The following CFAP276 variants were observed in gnomAD, a reference collection of about 807,000 sequenced individuals.
The protein encoded by CFAP276 is cilia- and flagella-associated protein 276.
the CFAP276 span, chr1:109,113,605 A>C: frequency 2.5e-6 from 4 of 1,612,396 alleles, no homozygotes; most frequent in African/African-American, 2.7e-5. Flanking sequence ...GATCTCCAGG[A>C]GTGGCCTTCG....
the CFAP276 span, chr1:109,112,742 TG>T: frequency 6.5e-7 from 1 of 1,537,788 alleles, no homozygotes; most frequent in Non-Finnish European, 8.8e-7. Context: ...ACAGCCTCAC[TG>T]GCATAAGATC....
chr1:109,107,247 A>G, the CFAP276 span: 2 of 694,642 alleles, frequency 2.9e-6, no homozygotes, highest in East Asian at 2.5e-5. Context: ...AAATCCACCA[A>G]CTCCGTACAC....
At chr1:109,112,210 AGAT>A in the CFAP276 span, among the ~76,000 whole-genome samples, 1 of 152,352 alleles carries the variant, frequency 6.6e-6, no homozygotes, top group Admixed American at 6.5e-5. Context: ...GTGTGAACAC[AGAT>A]GTGTAAAGCA....
the CFAP276 span, among the ~76,000 whole-genome samples, chr1:109,111,149 G>T: frequency 2.2e-4 from 34 of 152,218 alleles, no homozygotes; most frequent in South Asian, 6.6e-3. Context: ...ACACCCATCT[G>T]ATTGTGTCAC....
chr1:109,107,737 T>A, the CFAP276 span, among the ~76,000 whole-genome samples: 3 of 121,306 alleles, frequency 2.5e-5, no homozygotes, highest in African/African-American at 7.3e-5. Context: ...AAAAAAAAAA[T>A]TAGCTGCATG....
the CFAP276 span, among the ~76,000 whole-genome samples, chr1:109,111,168 T>C: frequency 8.5e-5 from 13 of 152,176 alleles, no homozygotes; most frequent in Admixed American, 5.9e-4. Context: ...ACTGTGGTAC[T>C]TAAAATCCTG....
chr1:109,108,020 G>GTTTTTTTTTTTTTTTT, the CFAP276 span: 1 of 1,605,194 alleles, frequency 6.2e-7, no homozygotes. Flanking sequence ...GGTGTGTTGG[G>GTTTTTTTTTTTTTTTT]TTCTTATATG....
the CFAP276 span, among the ~76,000 whole-genome samples, chr1:109,113,440 G>A: frequency 1.6e-4 from 22 of 135,868 alleles, 1 homozygote; most frequent in South Asian, 4.7e-4. Context: ...GAGAGAGAGA[G>A]AGAGAGAGAG....
the CFAP276 span, chr1:109,113,594 A>G: frequency 6.2e-7 from 1 of 1,608,846 alleles, no homozygotes; most frequent in African/African-American, 1.3e-5. Context: ...GCGGGATGTA[A>G]GATCTCCAGG....
At chr1:109,108,503 T>C in the CFAP276 span, among the ~76,000 whole-genome samples, 1 of 152,102 alleles carries the variant, frequency 6.6e-6, no homozygotes, top group African/African-American at 2.4e-5. Flanking sequence ...GGGGCAAGAC[T>C]CCCCAGGCTC....
At chr1:109,107,850 C>A in the CFAP276 span, 1 of 1,289,856 alleles carries the variant, frequency 7.8e-7, no homozygotes, top group South Asian at 1.3e-5. Context: ...AGCATTCCAC[C>A]CTGGGTGACA....
the CFAP276 span, among the ~76,000 whole-genome samples, chr1:109,110,052 A>G: frequency 6.6e-6 from 1 of 152,192 alleles, no homozygotes; most frequent in South Asian, 2.1e-4. Context: ...TTTCACTGAG[A>G]AAGTCCAGAC....
chr1:109,113,372 G>A, the CFAP276 span, among the ~76,000 whole-genome samples: 1 of 150,378 alleles, frequency 6.6e-6, no homozygotes, highest in African/African-American at 2.5e-5. Flanking sequence ...CAGTGTGGGC[G>A]AGAGAGTGAG....
the CFAP276 span, among the ~76,000 whole-genome samples, chr1:109,110,617 A>G: frequency 1.3e-5 from 2 of 152,118 alleles, no homozygotes; most frequent in Non-Finnish European, 2.9e-5. Context: ...CTATTCTCCA[A>G]GGGTCTCATT....
chr1:109,108,677 A>G, the CFAP276 span, among the ~76,000 whole-genome samples: 1 of 152,232 alleles, frequency 6.6e-6, no homozygotes, highest in Non-Finnish European at 1.5e-5. Flanking sequence ...AGACATTCTA[A>G]TGCAAATAAC....
the CFAP276 span, among the ~76,000 whole-genome samples, chr1:109,113,392 CAGAG>C: frequency 7.7e-5 from 7 of 91,314 alleles, no homozygotes; most frequent in Non-Finnish European, 1.2e-4. Flanking sequence ...GACCCTGTCT[CAGAG>C]AGAGAGAGAG....
chr1:109,112,621 A>G, the CFAP276 span: 1 of 1,550,662 alleles, frequency 6.4e-7, no homozygotes, highest in East Asian at 2.4e-5. Flanking sequence ...CAGTTCTCCT[A>G]AGTAGGAATC....
chr1:109,111,516 A>G, the CFAP276 span, among the ~76,000 whole-genome samples: 1 of 151,792 alleles, frequency 6.6e-6, no homozygotes, highest in East Asian at 1.9e-4. Flanking sequence ...CATCCCTAGG[A>G]TGAAACCATA....
chr1:109,106,650 G>T, the CFAP276 span: 14 of 1,613,846 alleles, frequency 8.7e-6, no homozygotes, highest in Non-Finnish European at 1.2e-5. Context: ...CAGGGAATTG[G>T]ATCTTGGTTC....
Sources: gnomAD v4.1 joint callset for allele counts (sites outside exome capture counted in the v4.1 genomes callset) on GRCh38, gnomAD v4.1.1 for gene constraint, MANE v1.5 for transcripts, NCBI Gene and HGNC (gene_info 2026-07-23, HGNC 2026-07-21) for gene names.